Variants in SLC14A2 observed in about 807,000 individuals in gnomAD.
The protein encoded by SLC14A2 is urea transporter 2.
In SLC14A2, 91 loss-of-function variants were observed where a neutral mutation model predicts 104.6. That is an observed-to-expected ratio of 0.87 (90% CI 0.73 to 1.04). The LOEUF (loss-of-function observed/expected upper bound fraction) is 1.04, where lower values mean the gene tolerates loss of function less well. SLC14A2 is among the 50% of genes least tolerant of loss of function. The pLI is 0.00. For missense variants in SLC14A2, 1,189 were observed against 1,156.0 expected, an observed-to-expected ratio of 1.03 and a Z score of -0.41; for synonymous variants, 476 against 466.4, an observed-to-expected ratio of 1.02 and a Z score of -0.27.
intron 1 of SLC14A2, among the ~76,000 whole-genome samples, chr18:45,243,409 A>G (rs1167414892): frequency 6.6e-6 from 1 of 152,186 alleles, no homozygotes; most frequent in Non-Finnish European, 1.5e-5. Flanking sequence ...ATGTTCACCC[A>G]GCTTGGATTT....
At chr18:45,442,901 G>T (rs1479556758) in intron 1 of SLC14A2, among the ~76,000 whole-genome samples, 1 of 152,184 alleles carries the variant, frequency 6.6e-6, no homozygotes. Context: ...GGTTGCCCAG[G>T]ATGTGTCTGT....
intron 1 of SLC14A2, among the ~76,000 whole-genome samples, chr18:45,216,657 A>C (rs569709643): frequency 9.7e-4 from 148 of 152,166 alleles, no homozygotes; most frequent in Middle Eastern, 6.8e-3. Context: ...TGCACACATC[A>C]TGTGTACTCA....
intron 1 of SLC14A2, among the ~76,000 whole-genome samples, chr18:45,458,267 T>A (rs1361660086): frequency 6.6e-6 from 1 of 152,098 alleles, no homozygotes; most frequent in Non-Finnish European, 1.5e-5. Flanking sequence ...TATAAAAGCA[T>A]CTCGTAAGTC....
At chr18:45,407,734 C>T (rs926535791) in intron 1 of SLC14A2, among the ~76,000 whole-genome samples, 15 of 152,094 alleles carry the variant, frequency 9.9e-5, no homozygotes, top group Admixed American at 6.6e-4. Flanking sequence ...TGTTGTATCT[C>T]AGGGATTAAG....
chr18:45,443,732 GAGAA>G (rs1598824445), intron 1 of SLC14A2, among the ~76,000 whole-genome samples: 1 of 152,154 alleles, frequency 6.6e-6, no homozygotes, highest in Non-Finnish European at 1.5e-5. Context: ...GGGCAGGTCA[GAGAA>G]AGACTTTTGC....
intron 2 of SLC14A2, among the ~76,000 whole-genome samples, chr18:45,513,313 A>G (rs1257949580): frequency 6.6e-6 from 1 of 152,244 alleles, no homozygotes. Flanking sequence ...AGTATAAATC[A>G]TGATGTTCCC....
chr18:45,171,574 GT>G, the SLC14A2 span, among the ~76,000 whole-genome samples: 3 of 152,100 alleles, frequency 2.0e-5, no homozygotes, highest in African/African-American at 7.2e-5. Context: ...TATAAAAAGT[GT>G]ATGGACTATT....
intron 1 of SLC14A2, among the ~76,000 whole-genome samples, chr18:45,244,641 G>T (rs527702053): frequency 2.6e-5 from 4 of 151,894 alleles, no homozygotes; most frequent in South Asian, 4.2e-4. Flanking sequence ...AAAAAGGAGT[G>T]GGGGGGTGGG....
At chr18:45,589,153 A>G (rs2044612231) in intron 2 of SLC14A2, among the ~76,000 whole-genome samples, 1 of 152,194 alleles carries the variant, frequency 6.6e-6, no homozygotes, top group African/African-American at 2.4e-5. Flanking sequence ...GGCCTCGGCC[A>G]GGACTGTGGA....
At chr18:45,593,187 G>A (rs567136289) in intron 2 of SLC14A2, among the ~76,000 whole-genome samples, 5 of 151,926 alleles carry the variant, frequency 3.3e-5, no homozygotes, top group African/African-American at 7.2e-5. Flanking sequence ...GCGTGGTGGC[G>A]GCGCCTGTAG....
chr18:45,581,340 G>C (rs756411385), intron 2 of SLC14A2, among the ~76,000 whole-genome samples: 3 of 152,188 alleles, frequency 2.0e-5, no homozygotes. Flanking sequence ...GGGTCCTAGA[G>C]AGCAACCCTC....
At chr18:45,522,065 G>A (rs145988117) in intron 2 of SLC14A2, among the ~76,000 whole-genome samples, 21 of 152,310 alleles carry the variant, frequency 1.4e-4, no homozygotes, top group Admixed American at 1.4e-3. Context: ...GGCAATCTAA[G>A]GCAGTCTAAG....
At chr18:45,534,424 A>C (rs1454380151) in intron 2 of SLC14A2, among the ~76,000 whole-genome samples, 1 of 152,186 alleles carries the variant, frequency 6.6e-6, no homozygotes, top group Admixed American at 6.5e-5. Context: ...TTAGCAGCTG[A>C]AAAAGAGCTA....
intron 2 of SLC14A2, among the ~76,000 whole-genome samples, chr18:45,500,185 G>C (rs1313756138): frequency 6.6e-6 from 1 of 152,210 alleles, no homozygotes; most frequent in African/African-American, 2.4e-5. Flanking sequence ...CACTCCTCCT[G>C]ATCACTTGGC....
the SLC14A2 span, among the ~76,000 whole-genome samples, chr18:45,201,479 C>A: frequency 2.6e-4 from 39 of 151,920 alleles, no homozygotes; most frequent in Non-Finnish European, 5.0e-4. Context: ...GTTGTTTCAA[C>A]TTTGGTCATT....
intron 1 of SLC14A2, among the ~76,000 whole-genome samples, chr18:45,327,470 T>C (rs1055628946): frequency 2.6e-5 from 4 of 152,126 alleles, no homozygotes; most frequent in African/African-American, 7.2e-5. Flanking sequence ...CCAGACCTTT[T>C]TCATCATCCC....
intron 2 of SLC14A2, among the ~76,000 whole-genome samples, chr18:45,577,723 C>T (rs1311878116): frequency 1.3e-5 from 2 of 152,090 alleles, no homozygotes; most frequent in African/African-American, 4.8e-5. Context: ...TGAAGTACAG[C>T]AACATGTCCA....
chr18:45,263,189 A>G (rs1045294675), intron 1 of SLC14A2, among the ~76,000 whole-genome samples: 1 of 152,150 alleles, frequency 6.6e-6, no homozygotes. Context: ...TGACCTTGAT[A>G]CTTTTGAAGA....
chr18:45,459,691 C>T (rs1489288799), intron 1 of SLC14A2, among the ~76,000 whole-genome samples: 1 of 152,190 alleles, frequency 6.6e-6, no homozygotes, highest in Non-Finnish European at 1.5e-5. Flanking sequence ...TCTCCAGCCC[C>T]CTCCTGGCCT....
Sources: gnomAD v4.1 joint callset for allele counts (sites outside exome capture counted in the v4.1 genomes callset) on GRCh38, gnomAD v4.1.1 for gene constraint, MANE v1.5 for transcripts, NCBI Gene and HGNC (gene_info 2026-07-23, HGNC 2026-07-21) for gene names.